Variants in NUTM2B observed in about 807,000 individuals in gnomAD.
NUTM2B encodes family with sequence similarity 22, member B.
Under a neutral mutation model 42.4 loss-of-function variants are expected in NUTM2B, and 2 were observed. The observed-to-expected ratio is 0.05, with a 90% CI of 0.02 to 0.15. NUTM2B has a LOEUF of 0.15. NUTM2B is among the 10% of genes least tolerant of loss of function. NUTM2B has a pLI of 1.00. For synonymous variants in NUTM2B, 18 were observed against 402.4 expected (o/e 0.04, Z 11.43); for missense variants, 58 against 952.6 (o/e 0.06, Z 12.36).
chr10:79,700,275 G>A (rs1315883907), upstream of NUTM2B, among the ~76,000 whole-genome samples: 8 of 152,384 alleles, frequency 5.2e-5, no homozygotes, highest in South Asian at 4.1e-4. Flanking sequence ...CAATGAGGTC[G>A]TCCGTGAGAA....
chr10:79,699,083 T>C (rs1426845739), upstream of NUTM2B, among the ~76,000 whole-genome samples: 3 of 151,776 alleles, frequency 2.0e-5, no homozygotes, highest in Admixed American at 6.6e-5. Flanking sequence ...GAAATAGCCA[T>C]ACACACCCCC....
the NUTM2B span, among the ~76,000 whole-genome samples, chr10:79,698,158 T>A: frequency 4.4e-5 from 5 of 113,294 alleles, no homozygotes; most frequent in East Asian, 7.7e-4. Flanking sequence ...ATAAAACCCA[T>A]ACAATACAAA....
At chr10:79,697,983 A>C in the NUTM2B span, among the ~76,000 whole-genome samples, 1 of 150,618 alleles carries the variant, frequency 6.6e-6, no homozygotes, top group African/African-American at 2.5e-5. Context: ...AATACATATA[A>C]GTCCACCTCA....
chr10:79,711,125 G>A (rs1840485583), intron 5 of NUTM2B, 125 bp from the exon 6 acceptor site: 1 of 582,334 alleles, frequency 1.7e-6, no homozygotes, highest in African/African-American at 2.1e-5. Flanking sequence ...TGGTCACCAT[G>A]ATATGAGACA....
chr10:79,701,240 C>T (rs1290365609), upstream of NUTM2B, among the ~76,000 whole-genome samples: 1 of 152,188 alleles, frequency 6.6e-6, no homozygotes, highest in Non-Finnish European at 1.5e-5. Context: ...AATATACTTT[C>T]TTCTGACTCC....
rs1175522959 is a variant in NUTM2B at position 79,709,714 on chromosome 10, C to T, written c.1212-86C>T. ...GGACAGCCCACCCGAGGCACTCCCTCCTATCCCTGCCCTCGGCCGCTGCCT... is the reference window on the plus strand; with the variant it reads ...GGACAGCCCACCCGAGGCACTCCCTTCTATCCCTGCCCTCGGCCGCTGCCT... On this transcript the variant is annotated intron_variant, in intron 3 of 6. Coordinates refer to ENST00000429828, the Ensembl canonical transcript of NUTM2B. The T allele has an allele frequency of 7.8e-5, 41 of 525,984 alleles. No homozygotes were observed. In the East Asian group the frequency reaches 1.3e-3, roughly 17 times the overall value. The allele number at this position is 525,984 out of a possible 1,614,324, so 32.6% of individuals were successfully genotyped here. A position where few individuals can be genotyped will look rare whatever the true frequency, so the allele number is the denominator to read the frequency against.
the NUTM2B span, among the ~76,000 whole-genome samples, chr10:79,694,720 G>A: frequency 6.6e-6 from 1 of 152,192 alleles, no homozygotes; most frequent in African/African-American, 2.4e-5. Context: ...TACATCAGGG[G>A]AAACCGAATC....
chr10:79,699,602 C>T (rs546804237), upstream of NUTM2B, among the ~76,000 whole-genome samples: 12 of 151,646 alleles, frequency 7.9e-5, no homozygotes, highest in Admixed American at 5.2e-4. Context: ...ACCACCACAC[C>T]CAGCTAATTT....
At chr10:79,695,458 C>G in the NUTM2B span, among the ~76,000 whole-genome samples, 1 of 152,222 alleles carries the variant, frequency 6.6e-6, no homozygotes, top group Non-Finnish European at 1.5e-5. Flanking sequence ...GAAACCAACA[C>G]ATATTCTCAA....
the NUTM2B span, among the ~76,000 whole-genome samples, chr10:79,693,027 C>T: frequency 1.3e-5 from 2 of 152,204 alleles, no homozygotes; most frequent in African/African-American, 4.8e-5. Context: ...AGAGGGGCTT[C>T]ATATGCGCTG....
chr10:79,700,847 G>A (rs1210957720), upstream of NUTM2B, among the ~76,000 whole-genome samples: 1 of 152,222 alleles, frequency 6.6e-6, no homozygotes, highest in Non-Finnish European at 1.5e-5. Flanking sequence ...CCCGCCCTAG[G>A]AGGGCCCCGC....
At chr10:79,695,234 C>T in the NUTM2B span, among the ~76,000 whole-genome samples, 2 of 152,144 alleles carry the variant, frequency 1.3e-5, no homozygotes, top group Non-Finnish European at 2.9e-5. Flanking sequence ...GCCCTTGTGC[C>T]TGAAGACTCC....
At chr10:79,699,287 G>A (rs1223681856), upstream of NUTM2B, among the ~76,000 whole-genome samples, 1 of 151,370 alleles carries the variant, frequency 6.6e-6, no homozygotes, top group African/African-American at 2.4e-5. Flanking sequence ...AATACAAATC[G>A]CCAACATTCA....
chr10:79,692,135 G>A, the NUTM2B span: 1 of 151,586 alleles, frequency 6.6e-6, no homozygotes, highest in Non-Finnish European at 1.5e-5. Flanking sequence ...CAAGAGCAGG[G>A]AGCCCATGCT....
the NUTM2B span, among the ~76,000 whole-genome samples, chr10:79,694,410 A>G: frequency 6.6e-6 from 1 of 150,440 alleles, no homozygotes; most frequent in Non-Finnish European, 1.5e-5. Flanking sequence ...AAAAAAAAAG[A>G]AAGAAAGAAA....
At chr10:79,694,856 CT>C in the NUTM2B span, among the ~76,000 whole-genome samples, 1 of 152,110 alleles carries the variant, frequency 6.6e-6, no homozygotes, top group African/African-American at 2.4e-5. Flanking sequence ...GGTGCCTCCT[CT>C]CCTTGACTCT....
At chr10:79,700,108 T>G (rs1394441908), upstream of NUTM2B, among the ~76,000 whole-genome samples, 1 of 152,202 alleles carries the variant, frequency 6.6e-6, no homozygotes, top group Admixed American at 6.5e-5. Flanking sequence ...GGCCACACTC[T>G]TGCATCCACA....
chr10:79,694,425 A>T, the NUTM2B span, among the ~76,000 whole-genome samples: 1 of 152,002 alleles, frequency 6.6e-6, no homozygotes, highest in Admixed American at 6.5e-5. Context: ...AAGAAAAGGA[A>T]AAAAAAGAAA....
At chr10:79,693,704 T>A in the NUTM2B span, among the ~76,000 whole-genome samples, 2 of 152,164 alleles carry the variant, frequency 1.3e-5, no homozygotes, top group Admixed American at 6.5e-5. Flanking sequence ...TACATTACAG[T>A]GCATTTTTTT....
Sources: gnomAD v4.1 joint callset for allele counts (sites outside exome capture counted in the v4.1 genomes callset) on GRCh38, gnomAD v4.1.1 for gene constraint, MANE v1.5 for transcripts, NCBI Gene and HGNC (gene_info 2026-07-23, HGNC 2026-07-21) for gene names.